CFAP299: variants seen among roughly 807,000 people sequenced by gnomAD.
CFAP299 encodes the protein cilia and flagella associated protein 299, also known as cilia- and flagella-associated protein 299.
A neutral mutation model predicts 27.0 loss-of-function variants in CFAP299; 21 were observed. The ratio of observed to expected loss-of-function variants is 0.78; its 90% CI spans 0.55 to 1.12. The LOEUF (loss-of-function observed/expected upper bound fraction) is 1.12. Among genes scored for constraint, CFAP299 ranks in the 50% most tolerant of loss-of-function variants. The pLI, the probability that CFAP299 is intolerant of heterozygous loss-of-function variation, is 0.00. For synonymous variants in CFAP299, 104 were observed against 98.1 expected, an observed-to-expected ratio of 1.06 and a Z score of -0.36; for missense variants, 310 against 276.6, an observed-to-expected ratio of 1.12 and a Z score of -0.86.
At chr4:80,952,920 C>A (rs1222278551) in intron 5 of CFAP299, among the ~76,000 whole-genome samples, 3 of 152,122 alleles carry the variant, frequency 2.0e-5, no homozygotes, top group South Asian at 2.1e-4. Flanking sequence ...CCTGTCATAG[C>A]CTTGAAATTG....
chr4:80,859,523 T>G (rs907031123), intron 3 of CFAP299, among the ~76,000 whole-genome samples: 1 of 152,218 alleles, frequency 6.6e-6, no homozygotes. Context: ...CTTTACATTT[T>G]GGCATGATTT....
intron 4 of CFAP299, among the ~76,000 whole-genome samples, chr4:80,879,828 A>G (rs1733600438): frequency 6.6e-6 from 1 of 152,186 alleles, no homozygotes; most frequent in African/African-American, 2.4e-5. Context: ...ACAGAATTCA[A>G]CCTTTTCCTC....
At chr4:80,688,119 G>T (rs1350637061) in intron 3 of CFAP299, among the ~76,000 whole-genome samples, 1 of 152,098 alleles carries the variant, frequency 6.6e-6, no homozygotes, top group African/African-American at 2.4e-5. Flanking sequence ...GGGGAGGGGC[G>T]CCCGCCATTG....
At chr4:80,595,509 A>G (rs1737017720) in intron 3 of CFAP299, among the ~76,000 whole-genome samples, 2 of 152,158 alleles carry the variant, frequency 1.3e-5, no homozygotes, top group Admixed American at 6.5e-5. Context: ...ATTTGTATGT[A>G]TCTGTTGCTT....
intron 2 of CFAP299, among the ~76,000 whole-genome samples, chr4:80,468,512 C>T (rs921439260): frequency 2.0e-5 from 3 of 152,068 alleles, no homozygotes; most frequent in Non-Finnish European, 4.4e-5. Flanking sequence ...GCGTGGACCA[C>T]TGCACCTGGC....
chr4:80,323,203 A>T, the CFAP299 span, among the ~76,000 whole-genome samples: 1 of 152,222 alleles, frequency 6.6e-6, no homozygotes, highest in African/African-American at 2.4e-5. Context: ...GCTCCTGAAC[A>T]GTGATTGGAA....
chr4:80,565,452 T>A (rs1905966), intron 2 of CFAP299, among the ~76,000 whole-genome samples: 141,077 of 151,874 alleles, frequency 0.93, 65,595 homozygotes, highest in East Asian at 1. Flanking sequence ...ATTCTTTTTT[T>A]AAAAAACGAT....
At chr4:80,386,375 C>G (rs1034717641) in intron 2 of CFAP299, 27 of 1,507,592 alleles carry the variant, frequency 1.8e-5, no homozygotes, top group Non-Finnish European at 2.1e-5. Context: ...GCGGCTTGCC[C>G]GGGACGGCCT....
At chr4:80,535,693 C>G (rs2110192801) in intron 2 of CFAP299, among the ~76,000 whole-genome samples, 1 of 152,198 alleles carries the variant, frequency 6.6e-6, no homozygotes, top group South Asian at 2.1e-4. Flanking sequence ...AATTTACTAG[C>G]TTGGCAGTCA....
At position 80,387,142 on chromosome 4, in the gene CFAP299, G is replaced by A. The variant is rs1370284162; in HGVS notation, c.242+24258G>A. The stretch of plus-strand genomic sequence containing the variant: ...ATTTGTTGACACGTTTGACACACTT[G>A]TAGACGGCACTGCCCTTCTTGGGGC... On this transcript the variant is annotated intron_variant, in intron 2 of 5. Transcript: ENST00000358105. 73 of 1,400,304 alleles carry A rather than the reference G, an allele frequency of 5.2e-5. 2 individuals are homozygous for A. Among genetic ancestry groups the A allele is most frequent in the Admixed American group, 3.4e-5 (2 of 59,580 alleles). The allele number at this position is 1,400,304 out of a possible 1,614,324, so 86.7% of individuals were successfully genotyped here.
chr4:80,602,931 A>G lies in CFAP299; in HGVS notation c.333+19748A>G, dbSNP rs535876722. ...GAAGAATGGGGATAGGGTGTGCTCT[A>G]TTGTTTCTCTGCTTCTCAGTTTTCT... On this transcript the variant is annotated intron_variant, in intron 3 of 5. Transcript: ENST00000358105. 1.5e-4 allele frequency among the ~76,000 whole-genome samples: 23 copies of G among 152,036 alleles called. No individual in the cohort carries two copies. The South Asian group carries it at 4.8e-3, about 32-fold the overall frequency.
intron 3 of CFAP299, among the ~76,000 whole-genome samples, chr4:80,757,918 G>A (rs1578096314): frequency 2.6e-5 from 4 of 152,216 alleles, no homozygotes; most frequent in Admixed American, 2.6e-4. Context: ...TGCGGGAGGG[G>A]GAGCATGGGT....
intron 3 of CFAP299, among the ~76,000 whole-genome samples, chr4:80,653,760 A>G (rs1383852135): frequency 6.6e-6 from 1 of 152,178 alleles, no homozygotes; most frequent in African/African-American, 2.4e-5. Context: ...TATTTTCACC[A>G]AAACCATTGT....
intron 4 of CFAP299, among the ~76,000 whole-genome samples, chr4:80,882,423 G>A (rs1560461169): frequency 1.3e-5 from 2 of 152,152 alleles, no homozygotes; most frequent in Admixed American, 6.5e-5. Context: ...CGGATTACGA[G>A]GTCAGGAGAT....
At chr4:80,667,006 T>A (rs1005189716) in intron 3 of CFAP299, among the ~76,000 whole-genome samples, 1 of 152,232 alleles carries the variant, frequency 6.6e-6, no homozygotes, top group African/African-American at 2.4e-5. Context: ...GAACATCTTC[T>A]ATACCTTTCA....
At chr4:80,650,136 T>G (rs1193395399) in intron 3 of CFAP299, among the ~76,000 whole-genome samples, 1 of 152,176 alleles carries the variant, frequency 6.6e-6, no homozygotes, top group South Asian at 2.1e-4. Context: ...ATCTAAAATA[T>G]GTTAGGAAAG....
chr4:80,782,976 C>G (rs956288943), intron 3 of CFAP299, among the ~76,000 whole-genome samples: 1 of 151,664 alleles, frequency 6.6e-6, no homozygotes, highest in Non-Finnish European at 1.5e-5. Flanking sequence ...ATTCTTATGA[C>G]CTTATCAGGC....
chr4:80,391,755 C>T (rs1250501799), intron 2 of CFAP299, among the ~76,000 whole-genome samples: 12 of 152,062 alleles, frequency 7.9e-5, no homozygotes, highest in Non-Finnish European at 1.6e-4. Context: ...ACTGCTTGAT[C>T]CCAGGAGTTT....
At chr4:80,421,289 A>G (rs1727275404) in intron 2 of CFAP299, among the ~76,000 whole-genome samples, 1 of 152,132 alleles carries the variant, frequency 6.6e-6, no homozygotes, top group African/African-American at 2.4e-5. Flanking sequence ...GAAGACACAG[A>G]CTTTGTTTTA....
Sources: allele counts gnomAD v4.1 joint callset (sites outside exome capture counted in the v4.1 genomes callset), GRCh38; gene constraint gnomAD v4.1.1; transcripts MANE v1.5; gene names NCBI Gene and HGNC (gene_info 2026-07-23, HGNC 2026-07-21).